GRIA1: variants seen among roughly 807,000 people sequenced by gnomAD.
The protein encoded by GRIA1 is glutamate ionotropic receptor AMPA type subunit 1, also known as glutamate receptor 1.
In GRIA1, 31 loss-of-function variants were observed where a neutral mutation model predicts 99.2. The ratio of observed to expected loss-of-function variants is 0.31; its 90% CI spans 0.23 to 0.42. The LOEUF (loss-of-function observed/expected upper bound fraction) is 0.42. Among genes scored for constraint, GRIA1 ranks in the 10% least tolerant of loss-of-function variants. The probability of loss-of-function intolerance (pLI) is 1.00; values close to 1 mark genes in which losing one functional copy is unlikely to be tolerated. For synonymous variants in GRIA1, 438 were observed against 432.4 expected, an observed-to-expected ratio of 1.01 and a Z score of -0.16; for missense variants, 782 against 1,157.5, an observed-to-expected ratio of 0.68 and a Z score of 4.71.
intron 2 of GRIA1, among the ~76,000 whole-genome samples, chr5:153,560,843 G>A (rs1761059279): frequency 1.3e-5 from 2 of 152,162 alleles, no homozygotes; most frequent in African/African-American, 2.4e-5. Flanking sequence ...TTTTGGAGAA[G>A]CCTCCTTGAG....
intron 2 of GRIA1, among the ~76,000 whole-genome samples, chr5:153,604,502 C>A (rs11738883): frequency 0.22 from 33,822 of 152,108 alleles, 4,300 homozygotes; most frequent in Non-Finnish European, 0.3. Context: ...CTATATAGCA[C>A]ACTGTTTTAT....
At chr5:153,726,194 A>G (rs1760511699) in intron 11 of GRIA1, among the ~76,000 whole-genome samples, 2 of 151,638 alleles carry the variant, frequency 1.3e-5, no homozygotes, top group Admixed American at 1.3e-4. Context: ...GAAACCAACG[A>G]GAACAAAGAC....
chr5:153,510,691 C>T (rs1755981557), intron 2 of GRIA1, among the ~76,000 whole-genome samples: 1 of 152,118 alleles, frequency 6.6e-6, no homozygotes, highest in Admixed American at 6.6e-5. Flanking sequence ...GTTTAAGTTG[C>T]ATTGTTGATA....
chr5:153,615,422 G>C (rs542036626), intron 2 of GRIA1, among the ~76,000 whole-genome samples: 1 of 152,142 alleles, frequency 6.6e-6, no homozygotes, highest in African/African-American at 2.4e-5. Context: ...TGAAAGGACC[G>C]CTTGAGACCA....
chr5:153,721,147 C>T (rs1158642417), intron 11 of GRIA1, among the ~76,000 whole-genome samples: 1 of 152,186 alleles, frequency 6.6e-6, no homozygotes, highest in Admixed American at 6.5e-5. Context: ...CAACAAAACT[C>T]AGACAGGGAA....
At chr5:153,650,279 C>A in intron 3 of GRIA1, 51 bp from the exon 4 acceptor site, 1 of 1,518,004 alleles carries the variant, frequency 6.6e-7, no homozygotes, top group Non-Finnish European at 9.0e-7. Context: ...GTGGGTGGTG[C>A]CCACAAATCC....
intron 2 of GRIA1, among the ~76,000 whole-genome samples, chr5:153,618,709 T>G (rs567331899): frequency 6.6e-6 from 1 of 152,316 alleles, no homozygotes; most frequent in African/African-American, 2.4e-5. Flanking sequence ...TAGGAACCAG[T>G]TATTCTATGC....
intron 4 of GRIA1, among the ~76,000 whole-genome samples, chr5:153,654,408 T>A (rs1000634868): frequency 6.6e-6 from 1 of 152,186 alleles, no homozygotes; most frequent in Non-Finnish European, 1.5e-5. Context: ...TTTTAAAATA[T>A]CATGTCTTTG....
At chr5:153,637,288 G>A (rs896845804) in intron 2 of GRIA1, among the ~76,000 whole-genome samples, 4 of 152,208 alleles carry the variant, frequency 2.6e-5, no homozygotes, top group African/African-American at 9.7e-5. Context: ...ACCAGGTTTT[G>A]CATATTCCAG....
rs554459028 is a variant in GRIA1 at position 153,682,824 on chromosome 5, GT to G, written c.1030-3400del. ...AGTCTTCTTCACTGTGCTTTAACAA[GT>G]GTGCTGATTAATTTTTTCTTTAACA... On this transcript the variant is annotated intron_variant, in intron 7 of 15. Coordinates refer to ENST00000285900, the MANE Select transcript of GRIA1 (RefSeq NM_000827.4). Among the ~76,000 whole-genome samples the G allele has an allele frequency of 2.7e-3, 412 of 152,258 alleles. 3 individuals are homozygous for G. The highest frequency in any genetic ancestry group is 9.7e-3 in the African/African-American group (401 of 41,546).
In GRIA1 at chr5:153,650,896, T is replaced by TAAAAAA. The variant is rs71575151; in HGVS notation, c.645+402_645+407dup. 8.7e-4 allele frequency among the ~76,000 whole-genome samples: 61 copies of TAAAAAA among 70,140 alleles called. 1 individual carries two copies. Among genetic ancestry groups the TAAAAAA allele is most frequent in the African/African-American group, 2.8e-3 (59 of 21,066 alleles). The allele number at this position is 70,140 out of a possible 152,430, so 46.0% of individuals were successfully genotyped here. A position where few individuals can be genotyped will look rare whatever the true frequency, so the allele number is the denominator to read the frequency against. On this transcript the variant is annotated intron_variant, in intron 4 of 15. Coordinates refer to ENST00000285900, the MANE Select transcript of GRIA1 (RefSeq NM_000827.4). ...CAACATGGTGAAACCCTGTCTCCACTAAAAAAAAAAAAAAAAAAAAAAAAA... is the reference window on the plus strand; with the variant it reads ...CAACATGGTGAAACCCTGTCTCCACTAAAAAAAAAAAAAAAAAAAAAAAAAAAAAAA...
chr5:153,570,155 G>C (rs993787279), intron 2 of GRIA1, among the ~76,000 whole-genome samples: 22 of 152,192 alleles, frequency 1.4e-4, no homozygotes, highest in African/African-American at 4.6e-4. Flanking sequence ...TCTAAGCTAG[G>C]CTTGCCAAAA....
At chr5:153,563,143 C>A (rs779404033) in intron 2 of GRIA1, among the ~76,000 whole-genome samples, 10 of 151,564 alleles carry the variant, frequency 6.6e-5, no homozygotes, top group African/African-American at 2.4e-4. Context: ...GCCACTGCAC[C>A]CCAGATTGGC....
intron 2 of GRIA1, among the ~76,000 whole-genome samples, chr5:153,588,384 T>G (rs966819759): frequency 1.3e-5 from 2 of 152,194 alleles, no homozygotes; most frequent in South Asian, 2.1e-4. Flanking sequence ...CTCCAAAAAA[T>G]GTCAGTTGTT....
chr5:153,492,062 G>T, intron 1 of GRIA1: 1 of 1,196,162 alleles, frequency 8.4e-7, no homozygotes, highest in East Asian at 2.7e-5. Context: ...CATCTTCGTT[G>T]GTTTGGTTTC....
intron 13 of GRIA1, among the ~76,000 whole-genome samples, chr5:153,788,076 T>C (rs1040086208): frequency 1.8e-5 from 2 of 109,816 alleles, no homozygotes; most frequent in Non-Finnish European, 3.6e-5. Context: ...CAAGACTCCT[T>C]CTCAAAAAGA....
intron 2 of GRIA1, among the ~76,000 whole-genome samples, chr5:153,512,728 G>A (rs181719768): frequency 6.6e-5 from 10 of 152,304 alleles, no homozygotes; most frequent in Admixed American, 3.3e-4. Context: ...GTTTAAACTT[G>A]TTCTCTCCAG....
chr5:153,621,623 G>T (rs2149423055), intron 2 of GRIA1, among the ~76,000 whole-genome samples: 1 of 152,192 alleles, frequency 6.6e-6, no homozygotes, highest in Middle Eastern at 3.4e-3. Flanking sequence ...GCACATACTT[G>T]GGCCCCCATT....
chr5:153,562,992 A>G (rs1175654777), intron 2 of GRIA1, among the ~76,000 whole-genome samples: 5 of 152,082 alleles, frequency 3.3e-5, no homozygotes, highest in Admixed American at 6.5e-5. Context: ...CCCGGCCAAC[A>G]TGGTGAAACC....
Sources: allele counts gnomAD v4.1 joint callset (sites outside exome capture counted in the v4.1 genomes callset), GRCh38; gene constraint gnomAD v4.1.1; transcripts MANE v1.5; gene names NCBI Gene and HGNC (gene_info 2026-07-23, HGNC 2026-07-21).